PTPRB: variants seen among roughly 807,000 people sequenced by gnomAD.
The protein encoded by PTPRB is protein tyrosine phosphatase receptor type B.
In PTPRB, 97 loss-of-function variants were observed where a neutral mutation model predicts 238.1. The ratio of observed to expected loss-of-function variants is 0.41; its 90% CI spans 0.35 to 0.48. PTPRB has a LOEUF of 0.48. Among genes scored for constraint, PTPRB ranks in the 20% least tolerant of loss-of-function variants. The pLI, the probability that PTPRB is intolerant of heterozygous loss-of-function variation, is 0.30. For synonymous variants in PTPRB, 970 were observed against 995.4 expected, an observed-to-expected ratio of 0.97 and a Z score of 0.48; for missense variants, 2,292 against 2,681.9, an observed-to-expected ratio of 0.85 and a Z score of 3.21.
chr12:70,544,424 A>G (rs1875649010), intron 22 of PTPRB, 133 bp downstream of exon 22: 3 of 650,120 alleles, frequency 4.6e-6, no homozygotes, highest in South Asian at 3.7e-5. Context: ...ATCCACATCA[A>G]TTTTTGGTCA....
rs988445070 is a variant in PTPRB, at chr12:70,571,278, C to T, written c.3118G>A (p.Val1040Ile). The T allele has an allele frequency of 3.1e-6, 5 of 1,601,048 alleles. No individual in the cohort carries two copies. Among genetic ancestry groups the T allele is most frequent in the African/African-American group, 2.7e-5 (2 of 74,626 alleles). The part of the protein sequence containing the change: ...QGNGRTIPEP[V>I]KDLTLRNRST... ...CTGTTGCGCAATGTTAGATCCTTAA[C>T]AGGCTCTGGAACTAGGGAGAAAAAT... Residue 1040 changes from valine to isoleucine, a missense_variant, in exon 13 of 34, where the codon GTT (valine) becomes ATT (isoleucine). By Grantham distance (29) the Val-to-Ile change is conservative. Around this residue, in one of 4 missense-constraint regions of PTPRB, gnomAD observed 1,205 missense variants for 1,287.8 expected, o/e 0.94. Transcript: ENST00000334414.
intron 23 of PTPRB, 116 bp from the exon 24 acceptor site, chr12:70,540,138 A>G (rs979729905): frequency 9.6e-6 from 8 of 836,542 alleles, no homozygotes; most frequent in Middle Eastern, 3.5e-4. Flanking sequence ...CAGTATTCAT[A>G]CAGATTTGCA....
At chr12:70,624,983 T>C (rs1424610960) in intron 2 of PTPRB, among the ~76,000 whole-genome samples, 1 of 152,192 alleles carries the variant, frequency 6.6e-6, no homozygotes, top group East Asian at 1.9e-4. Context: ...GTTATTACCA[T>C]TGCATGTAGC....
At position 70,563,027 on chromosome 12, in the gene PTPRB, C is replaced by T. The variant is rs1214491889; in HGVS notation, c.3985G>A (p.Glu1329Lys). Residue 1329 changes from glutamate (E) to lysine (K), a missense_variant, in exon 16 of 34, where the codon GAG becomes AAG. Around this residue, in one of 4 missense-constraint regions of PTPRB, gnomAD observed 683 missense variants for 862.0 expected, o/e 0.79. Coordinates refer to ENST00000334414, the MANE Select transcript of PTPRB (RefSeq NM_001109754.4). ...AAAAAGATGTTGTACCAGCTGAGCTCCCCCTCTGAGGCGGTCCAGCGGAAG... is the reference window on the plus strand; with the variant it reads ...AAAAAGATGTTGTACCAGCTGAGCTTCCCCTCTGAGGCGGTCCAGCGGAAG... ...LSFRWTASEG[E>K]LSWYNIFLYN... The T allele has an allele frequency of 8.1e-6, 13 of 1,613,814 alleles. No individual in the cohort carries two copies. Among genetic ancestry groups the T allele is most frequent in the Admixed American group, 6.7e-5 (4 of 59,998 alleles).
intron 10 of PTPRB, 38 bp from the exon 11 acceptor site, chr12:70,576,683 A>AGGGGGGGGGGGGGGG: frequency 1.1e-5 from 1 of 91,066 alleles, no homozygotes. Flanking sequence ...GGGGGGGGGG[A>AGGGGGGGGGGGGGGG]AGGGGGATTC....
chr12:70,608,768 C>A, intron 4 of PTPRB: 3 of 359,624 alleles, frequency 8.3e-6, no homozygotes, highest in East Asian at 5.4e-5. Context: ...AAGCGTAAAC[C>A]ACATCACTTT....
At chr12:70,551,963 G>C (rs2567135) in intron 21 of PTPRB, among the ~76,000 whole-genome samples, 58,063 of 151,940 alleles carry the variant, frequency 0.38, 11,871 homozygotes, top group Non-Finnish European at 0.46. Context: ...GGGAAAAAAG[G>C]GTGTTCCCAT....
At chr12:70,527,261 G>A (rs1872574526) in intron 32 of PTPRB, among the ~76,000 whole-genome samples, 1 of 152,190 alleles carries the variant, frequency 6.6e-6, no homozygotes, top group Non-Finnish European at 1.5e-5. Context: ...TTTCATACAG[G>A]AGAGAAAGCC....
intron 15 of PTPRB, among the ~76,000 whole-genome samples, chr12:70,564,386 C>T (rs1037674775): frequency 4.4e-4 from 67 of 151,764 alleles, no homozygotes; most frequent in Non-Finnish European, 1.0e-4. Flanking sequence ...GTGGTGCATA[C>T]CTGTAGTCCC....
chr12:70,593,135 C>T (rs1882654004), intron 6 of PTPRB, among the ~76,000 whole-genome samples: 1 of 152,142 alleles, frequency 6.6e-6, no homozygotes. Flanking sequence ...AGTTGTGTTA[C>T]TACTTCATCA....
At chr12:70,627,888 T>C (rs1885276785) in intron 2 of PTPRB, among the ~76,000 whole-genome samples, 1 of 152,184 alleles carries the variant, frequency 6.6e-6, no homozygotes, top group South Asian at 2.1e-4. Flanking sequence ...CCACAAGCTC[T>C]TCGTATTCAC....
chr12:70,535,297 C>T (rs1490012627), intron 29 of PTPRB, among the ~76,000 whole-genome samples: 1 of 134,896 alleles, frequency 7.4e-6, no homozygotes, highest in Non-Finnish European at 1.5e-5. Flanking sequence ...TGGTTCACAA[C>T]GTATTGTTCT....
intron 32 of PTPRB, among the ~76,000 whole-genome samples, chr12:70,525,072 C>G (rs893693979): frequency 6.6e-6 from 1 of 151,742 alleles, no homozygotes; most frequent in African/African-American, 2.4e-5. Context: ...AGTAGATGAA[C>G]AAATGCCGGA....
chr12:70,550,230 G>A lies in PTPRB; in HGVS notation c.5387+2547C>T, dbSNP rs149875844. On this transcript the variant is annotated intron_variant, in intron 21 of 33. Transcript: ENST00000334414. ...GGCTTTTGAAGTGTACAGAGAATTC[G>A]CCAGCCAGATAAGAGCGGAACGCAT... 2.4e-3 allele frequency among the ~76,000 whole-genome samples: 367 copies of A among 152,306 alleles called. 2 individuals are homozygous for A. The highest frequency in any genetic ancestry group is 4.6e-3 in the Non-Finnish European group (312 of 68,028).
intron 15 of PTPRB, among the ~76,000 whole-genome samples, chr12:70,565,790 A>C (rs1285111581): frequency 6.6e-6 from 1 of 152,188 alleles, no homozygotes; most frequent in African/African-American, 2.4e-5. Context: ...AGAACCTGTG[A>C]ATATGTTACC....
At chr12:70,634,722 T>A in intron 2 of PTPRB, among the ~76,000 whole-genome samples, 1 of 152,210 alleles carries the variant, frequency 6.6e-6, no homozygotes, top group Non-Finnish European at 1.5e-5. Flanking sequence ...GTCAAAAAAC[T>A]TAGGCTCTAA....
intron 15 of PTPRB, 102 bp downstream of exon 15, chr12:70,566,333 A>G: frequency 2.2e-6 from 3 of 1,379,876 alleles, no homozygotes; most frequent in Middle Eastern, 1.9e-4. Context: ...CAAGAGATAG[A>G]TATCATCTCC....
At chr12:70,583,749 A>C (rs1181308298) in intron 9 of PTPRB, among the ~76,000 whole-genome samples, 4 of 152,156 alleles carry the variant, frequency 2.6e-5, no homozygotes, top group African/African-American at 4.8e-5. Flanking sequence ...AATTTAGATT[A>C]AAGTAGGTCT....
At chr12:70,619,312 T>TGATAATGAC (rs1555239528) in intron 3 of PTPRB, among the ~76,000 whole-genome samples, 3 of 150,080 alleles carry the variant, frequency 2.0e-5, no homozygotes, top group African/African-American at 7.4e-5. Context: ...ATGATGATGA[T>TGATAATGAC]GATAATGATA....
Sources: gnomAD v4.1 joint callset for allele counts (sites outside exome capture counted in the v4.1 genomes callset) on GRCh38, gnomAD v4.1.1 for gene constraint, gnomAD v4.1.1 regional missense constraint, MANE v1.5 for transcripts, NCBI Gene and HGNC (gene_info 2026-07-23, HGNC 2026-07-21) for gene names.